The following HIPK3 variants were observed in gnomAD, a reference collection of about 807,000 sequenced individuals.
The protein encoded by HIPK3 is homeodomain-interacting protein kinase 3.
A neutral mutation model predicts 124.2 loss-of-function variants in HIPK3; 47 were observed. The ratio of observed to expected loss-of-function variants is 0.38; its 90% CI spans 0.30 to 0.48. The LOEUF (loss-of-function observed/expected upper bound fraction) is 0.48. Ranked by LOEUF, HIPK3 falls within the 20% of genes least tolerant of loss-of-function variation. HIPK3 has a pLI of 0.98. For missense variants in HIPK3, 1,286 were observed against 1,454.3 expected, an observed-to-expected ratio of 0.88 and a Z score of 1.88; for synonymous variants, 482 against 515.2, an observed-to-expected ratio of 0.94 and a Z score of 0.87.
chr11:33,325,409 A>G (rs1057330978), intron 2 of HIPK3, among the ~76,000 whole-genome samples: 6 of 152,184 alleles, frequency 3.9e-5, no homozygotes, highest in Non-Finnish European at 7.4e-5. Flanking sequence ...TACACACAGT[A>G]ATAGGCCTAT....
In HIPK3 at chr11:33,354,646, C is replaced by CT. The variant is rs1456096530; in HGVS notation, c.*1080dup. ...AGTAGCAGAACTTTTACTATTGAAG[C>CT]TTGAAAAGATGTGAGTTCTTTGTGT... On this transcript the variant is annotated 3_prime_UTR_variant, in exon 17 of 17. Coordinates refer to ENST00000303296, the MANE Select transcript of HIPK3 (RefSeq NM_005734.5). 3.3e-5 allele frequency: 5 copies of CT among 150,228 alleles called. No homozygotes were observed. The highest frequency in any genetic ancestry group is 1.2e-4 in the African/African-American group (5 of 40,892). The allele number at this position is 150,228 out of a possible 1,614,324, so 9.3% of individuals were successfully genotyped here. A position where few individuals can be genotyped will look rare whatever the true frequency, so the allele number is the denominator to read the frequency against.
intron 2 of HIPK3, among the ~76,000 whole-genome samples, chr11:33,318,138 T>C (rs1174566358): frequency 8.5e-5 from 13 of 152,214 alleles, no homozygotes; most frequent in Admixed American, 8.5e-4. Flanking sequence ...AGGTGATAGG[T>C]TTAAAGAAAA....
rs758309682 is a variant in HIPK3 at position 33,287,554 on chromosome 11, A to G, written c.1097+43A>G. ...ACTTTTTGGTTGTTTATTAATGTGA[A>G]ATTTCTGCTAAATGAAATACTTTTG... On this transcript the variant is annotated intron_variant, in intron 2 of 16. Coordinates refer to ENST00000303296, the MANE Select transcript of HIPK3 (RefSeq NM_005734.5). 6.4e-6 allele frequency: 10 copies of G among 1,556,010 alleles called. No individual in the cohort carries two copies. In the East Asian group the frequency reaches 6.8e-5, roughly 11 times the overall value.
chr11:33,279,281 C>T (rs1198435320), intron 1 of HIPK3, among the ~76,000 whole-genome samples: 1 of 139,860 alleles, frequency 7.2e-6, no homozygotes, highest in Admixed American at 7.6e-5. Context: ...CGCTACTGCA[C>T]TCCAGCACTC....
At chr11:33,310,751 C>G (rs796686964) in intron 2 of HIPK3, among the ~76,000 whole-genome samples, 10 of 152,146 alleles carry the variant, frequency 6.6e-5, no homozygotes, top group Non-Finnish European at 1.5e-4. Flanking sequence ...TCCGTTGTTG[C>G]GAAAATACGG....
At chr11:33,348,927 A>G in intron 13 of HIPK3, 109 bp downstream of exon 13, 1 of 1,101,108 alleles carries the variant, frequency 9.1e-7, no homozygotes, top group Non-Finnish European at 1.3e-6. Context: ...TCTGGAGTAA[A>G]ACCTTTAAAT....
intron 2 of HIPK3, among the ~76,000 whole-genome samples, chr11:33,299,676 A>G (rs1851938373): frequency 6.6e-6 from 1 of 152,260 alleles, no homozygotes; most frequent in Middle Eastern, 3.4e-3. Context: ...ATCGCGTTCT[A>G]CAGAGAAGTC....
intron 2 of HIPK3, among the ~76,000 whole-genome samples, chr11:33,294,877 G>A (rs10836050): frequency 0.21 from 32,323 of 151,832 alleles, 4,104 homozygotes; most frequent in East Asian, 0.37. Context: ...TTTTTTTCTC[G>A]TGCAGAATTC....
chr11:33,295,187 G>T lies in HIPK3; in HGVS notation c.1097+7676G>T, dbSNP rs1851805673. ...GGAGGATCATAAAATGTGCCAGGAC[G>T]AGACGCTTTTAGAGGCTGTGCCCAG... On this transcript the variant is annotated intron_variant, in intron 2 of 16. Coordinates refer to ENST00000303296, the MANE Select transcript of HIPK3 (RefSeq NM_005734.5). Among the ~76,000 whole-genome samples, 3 of 152,084 alleles carry T rather than the reference G, an allele frequency of 2.0e-5. No individual in the cohort carries two copies. The South Asian group carries it at 6.2e-4, about 32-fold the overall frequency.
chr11:33,314,478 A>G (rs1590391915), intron 2 of HIPK3, among the ~76,000 whole-genome samples: 1 of 151,798 alleles, frequency 6.6e-6, no homozygotes, highest in African/African-American at 2.4e-5. Flanking sequence ...TGTGGTAAAA[A>G]CCCGTCTCTA....
At chr11:33,349,798 G>A (rs1003921025) in intron 14 of HIPK3, among the ~76,000 whole-genome samples, 3 of 151,952 alleles carry the variant, frequency 2.0e-5, no homozygotes, top group South Asian at 2.1e-4. Context: ...ATGAAGTGTG[G>A]CTCTGTCACC....
chr11:33,316,024 A>T (rs1852490893), intron 2 of HIPK3, among the ~76,000 whole-genome samples: 1 of 152,242 alleles, frequency 6.6e-6, no homozygotes, highest in Non-Finnish European at 1.5e-5. Context: ...ATTACATTTC[A>T]ACATGTAATC....
chr11:33,303,169 A>G (rs568904234), intron 2 of HIPK3, among the ~76,000 whole-genome samples: 1 of 152,298 alleles, frequency 6.6e-6, no homozygotes, highest in South Asian at 2.1e-4. Context: ...ACAGACACTC[A>G]AGTCCCTTAT....
intron 12 of HIPK3, 56 bp downstream of exon 12, chr11:33,348,284 G>C (rs1565098716): frequency 1.3e-6 from 2 of 1,487,526 alleles, no homozygotes; most frequent in Non-Finnish European, 1.9e-6. Context: ...TGTAGCAATT[G>C]TGGACATTCA....
At chr11:33,293,685 T>G (rs1190683035) in intron 2 of HIPK3, among the ~76,000 whole-genome samples, 1 of 152,198 alleles carries the variant, frequency 6.6e-6, no homozygotes, top group East Asian at 1.9e-4. Flanking sequence ...TAGAATGTAT[T>G]AAAATTGTGT....
rs1853555395 is a variant in HIPK3, at chr11:33,348,188, G to A, written c.2329G>A (p.Glu777Lys). 6.2e-7 allele frequency: 1 copy of A among 1,614,028 alleles called. No homozygotes were observed. The highest frequency in any genetic ancestry group is 8.5e-7 in the Non-Finnish European group (1 of 1,179,952). The change falls in exon 12 of 17, where the codon GAA (glutamate) becomes AAA (lysine). Residue 777 changes from glutamate (E) to lysine (K), a missense_variant. Transcript: ENST00000303296. ...QNRGILVKLM[E>K]WEPGREEINA... is the part of the protein sequence containing the mutation. ...CAGAGGTATTTTGGTAAAACTAATG[G>A]AATGGGAGCCAGGAAGAGAGGAAAT...
chr11:33,301,166 A>G (rs979715671), intron 2 of HIPK3, among the ~76,000 whole-genome samples: 1 of 152,034 alleles, frequency 6.6e-6, no homozygotes, highest in African/African-American at 2.4e-5. Context: ...TATGTTACTT[A>G]TTTGCTCAAT....
intron 1 of HIPK3, among the ~76,000 whole-genome samples, chr11:33,269,879 G>T (rs1851075684): frequency 6.6e-6 from 1 of 151,686 alleles, no homozygotes; most frequent in Non-Finnish European, 1.5e-5. Context: ...TCCCTTACAG[G>T]TACCTCAGAA....
At chr11:33,324,560 G>A (rs1450885579) in intron 2 of HIPK3, among the ~76,000 whole-genome samples, 4 of 152,240 alleles carry the variant, frequency 2.6e-5, no homozygotes, top group Admixed American at 2.6e-4. Context: ...AGAGTCCCCT[G>A]TGTAGAGCAG....
Sources: gnomAD v4.1 joint callset for allele counts (sites outside exome capture counted in the v4.1 genomes callset) on GRCh38, gnomAD v4.1.1 for gene constraint, MANE v1.5 for transcripts, NCBI Gene and HGNC (gene_info 2026-07-23, HGNC 2026-07-21) for gene names.